The following NOX3 variants were observed in gnomAD, a reference collection of about 807,000 sequenced individuals.
NOX3 encodes NADPH oxidase catalytic subunit-like 3.
Under a neutral mutation model 76.7 loss-of-function variants are expected in NOX3, and 74 were observed. The ratio of observed to expected loss-of-function variants is 0.96; its 90% CI spans 0.80 to 1.17. NOX3 has a LOEUF of 1.17. NOX3 is among the 50% of genes most tolerant of loss of function. The pLI is 0.00. For synonymous variants in NOX3, 263 were observed against 261.1 expected (o/e 1.01, Z -0.07); for missense variants, 695 against 703.3 (o/e 0.99, Z 0.13).
At chr6:155,438,201 G>A (rs774373087) in intron 6 of NOX3, among the ~76,000 whole-genome samples, 5 of 152,134 alleles carry the variant, frequency 3.3e-5, no homozygotes, top group Non-Finnish European at 4.4e-5. Context: ...TAACAACCCC[G>A]GCGTCGGGGG....
intron 12 of NOX3, among the ~76,000 whole-genome samples, chr6:155,402,241 A>G (rs778465837): frequency 1.4e-4 from 21 of 152,200 alleles, no homozygotes; most frequent in Non-Finnish European, 2.5e-4. Flanking sequence ...TAATTAGCCT[A>G]CTATATTTTA....
intron 10 of NOX3, among the ~76,000 whole-genome samples, chr6:155,422,479 A>C (rs1171273916): frequency 6.6e-6 from 1 of 152,236 alleles, no homozygotes; most frequent in Admixed American, 6.5e-5. Flanking sequence ...TGAAGCAATA[A>C]AATTTATGTC....
At chr6:155,406,760 T>C (rs554732717) in intron 12 of NOX3, among the ~76,000 whole-genome samples, 45 of 152,332 alleles carry the variant, frequency 3.0e-4, no homozygotes, top group African/African-American at 1.1e-3. Flanking sequence ...TCTTCTAACA[T>C]TTTCTCTCTG....
intron 10 of NOX3, among the ~76,000 whole-genome samples, chr6:155,415,229 A>G (rs1776609302): frequency 6.6e-6 from 1 of 152,202 alleles, no homozygotes; most frequent in Non-Finnish European, 1.5e-5. Context: ...GTCTGGGGCC[A>G]GTAGGAAATG....
At position 155,455,088 on chromosome 6, in the gene NOX3, C is replaced by A. The variant is rs200641391; in HGVS notation, c.90G>T (p.Thr30=). 1 of 1,613,176 alleles carries A rather than the reference C, an allele frequency of 6.2e-7. No individual in the cohort carries two copies. The highest frequency in any genetic ancestry group is 1.7e-5 in the Admixed American group (1 of 59,950). ...LGINFYLFID[T]FYWYEEEESF... ...ACTCCTCCTCTTCATACCAGTAGAA[C>A]GTGTCAATAAACAGATAAAAATTTA... Residue 30 remains threonine, a synonymous_variant, in exon 2 of 14, where the codon ACG becomes ACT. Coordinates refer to ENST00000159060, the MANE Select transcript of NOX3 (RefSeq NM_015718.3).
At chr6:155,405,601 CTGACACCCCA>C (rs1299414743) in intron 12 of NOX3, among the ~76,000 whole-genome samples, 8 of 152,190 alleles carry the variant, frequency 5.3e-5, no homozygotes, top group African/African-American at 1.9e-4. Context: ...AACTGAACTC[CTGACACCCCA>C]TGTCTGCCAA....
At chr6:155,409,681 C>T (rs1276879388) in intron 11 of NOX3, among the ~76,000 whole-genome samples, 3 of 152,124 alleles carry the variant, frequency 2.0e-5, no homozygotes, top group Admixed American at 1.3e-4. Flanking sequence ...TCTTTCCCGA[C>T]AGAATGCACC....
chr6:155,402,259 G>A (rs1028230550), intron 12 of NOX3, among the ~76,000 whole-genome samples: 2 of 152,164 alleles, frequency 1.3e-5, no homozygotes, highest in Admixed American at 6.5e-5. Context: ...TTAATTGGGA[G>A]AATAATTTTT....
chr6:155,443,069 C>T (rs1026326168), intron 5 of NOX3, among the ~76,000 whole-genome samples: 2 of 152,090 alleles, frequency 1.3e-5, no homozygotes, highest in Non-Finnish European at 2.9e-5. Flanking sequence ...GGTGACATAT[C>T]TTTTTCTCCT....
At chr6:155,419,552 G>T (rs1327648449) in intron 10 of NOX3, among the ~76,000 whole-genome samples, 1 of 152,144 alleles carries the variant, frequency 6.6e-6, no homozygotes, top group African/African-American at 2.4e-5. Flanking sequence ...ATTTTCACCT[G>T]AGTCGTGTCC....
chr6:155,448,124 C>T (rs572637918), intron 4 of NOX3, among the ~76,000 whole-genome samples: 1 of 152,126 alleles, frequency 6.6e-6, no homozygotes, highest in African/African-American at 2.4e-5. Flanking sequence ...AGTCACCTAA[C>T]TTCTTTTAGG....
intron 4 of NOX3, 37 bp from the exon 5 acceptor site, chr6:155,443,455 G>A: frequency 6.2e-7 from 1 of 1,600,122 alleles, no homozygotes; most frequent in African/African-American, 1.3e-5. Flanking sequence ...TGCACCCTGT[G>A]GCTTGCTTTC....
intron 3 of NOX3, 104 bp downstream of exon 3, chr6:155,454,707 A>G (rs1008355753): frequency 4.3e-6 from 3 of 695,618 alleles, no homozygotes; most frequent in Non-Finnish European, 7.0e-6. Context: ...CCCAAGTTTA[A>G]ACAGAATTAC....
intron 9 of NOX3, among the ~76,000 whole-genome samples, chr6:155,428,586 CTTTT>C (rs35328292): frequency 1.4e-5 from 2 of 138,430 alleles, no homozygotes; most frequent in Non-Finnish European, 3.1e-5. Context: ...GTCTTTTTTT[CTTTT>C]TTTTTTTTTT....
Position 155,422,762 on chromosome 6 carries a change from A to T in NOX3, c.1240T>A (p.Phe414Ile). 3 of 1,614,190 alleles carry T rather than the reference A, an allele frequency of 1.9e-6. No homozygotes were observed. Among genetic ancestry groups the T allele is most frequent in the Non-Finnish European group, 2.5e-6 (3 of 1,180,014 alleles). ...CVAAGIGVTP[F>I]AALLKSIWYK... ...CATATAGATTTCAGAAGAGCAGCGAAGGGAGTGACTCCGATCCCCGCGGCA... is the reference window on the plus strand; with the variant it reads ...CATATAGATTTCAGAAGAGCAGCGATGGGAGTGACTCCGATCCCCGCGGCA... The change falls in exon 10 of 14, where the codon TTC (phenylalanine) becomes ATC (isoleucine). Residue 414 changes from phenylalanine (F) to isoleucine (I), a missense_variant. By Grantham distance (21) the Phe-to-Ile change is conservative (BLOSUM62 0). Coordinates refer to ENST00000159060, the MANE Select transcript of NOX3 (RefSeq NM_015718.3).
chr6:155,441,260 C>T (rs989114210), intron 5 of NOX3, among the ~76,000 whole-genome samples: 8 of 151,768 alleles, frequency 5.3e-5, no homozygotes, highest in African/African-American at 1.2e-4. Flanking sequence ...TTAATTTGGG[C>T]GGCTTTGAGA....
chr6:155,403,622 G>A lies in NOX3; in HGVS notation c.1580+3508C>T, dbSNP rs544765186. On this transcript the variant is annotated intron_variant, in intron 12 of 13. Coordinates refer to ENST00000159060, the MANE Select transcript of NOX3 (RefSeq NM_015718.3). ...ACAATTGAGCATTAAGTACGTTTCC[G>A]CACTTCACTTTGATTATGGCTTCTA... Among the ~76,000 whole-genome samples, 12 of 152,236 alleles carry A rather than the reference G, an allele frequency of 7.9e-5. No individual in the cohort carries two copies. The Middle Eastern group carries it at 0.01, about 129-fold the overall frequency.
At chr6:155,453,909 T>TC (rs1777178162) in intron 3 of NOX3, among the ~76,000 whole-genome samples, 1 of 152,264 alleles carries the variant, frequency 6.6e-6, no homozygotes, top group East Asian at 1.9e-4. Context: ...CAGGCATACC[T>TC]CGGAGATATT....
rs566281196 is a variant in NOX3, at chr6:155,417,682, G to A, written c.1308+5012C>T. The stretch of plus-strand genomic sequence containing the variant: ...TCAGAGCTCCAGTGTGAGGGAAAGT[G>A]AAAGTAAATAATTTCTCAAAGTAAA... On this transcript the variant is annotated intron_variant, in intron 10 of 13. Coordinates refer to ENST00000159060, the MANE Select transcript of NOX3 (RefSeq NM_015718.3). Among the ~76,000 whole-genome samples the A allele has an allele frequency of 2.0e-5, 3 of 152,314 alleles. No homozygotes were observed. In the South Asian group the frequency reaches 6.2e-4, roughly 32 times the overall value.
Sources: gnomAD v4.1 joint callset for allele counts (sites outside exome capture counted in the v4.1 genomes callset) on GRCh38, gnomAD v4.1.1 for gene constraint, MANE v1.5 for transcripts, NCBI Gene and HGNC (gene_info 2026-07-23, HGNC 2026-07-21) for gene names.